The following DLG3 variants were observed in gnomAD, a reference collection of about 807,000 sequenced individuals.
DLG3 encodes discs large MAGUK scaffold protein 3.
Under a neutral mutation model 64.1 loss-of-function variants are expected in DLG3, and 1 was observed. That is an observed-to-expected ratio of 0.02 (90% CI 0.01 to 0.07). The LOEUF (loss-of-function observed/expected upper bound fraction) is 0.07. Ranked by LOEUF, DLG3 falls within the 10% of genes least tolerant of loss-of-function variation. DLG3 has a pLI of 1.00. For missense variants in DLG3, 429 were observed against 669.5 expected, an observed-to-expected ratio of 0.64 and a Z score of 3.96; for synonymous variants, 245 against 259.8, an observed-to-expected ratio of 0.94 and a Z score of 0.55.
At chrX:70,469,327 T>G (rs1327099359) in intron 9 of DLG3, among the ~76,000 whole-genome samples, 2 of 111,573 alleles carry the variant, frequency 1.8e-5, no homozygotes, top group East Asian at 5.6e-4. Flanking sequence ...AACTATTTTA[T>G]AAAGACAAGT....
chrX:70,482,301 A>G (rs779260563), intron 10 of DLG3, among the ~76,000 whole-genome samples: 9 of 112,603 alleles, frequency 8.0e-5, no homozygotes, highest in African/African-American at 2.9e-4. Flanking sequence ...GATCTGCTCA[A>G]AAGCTTTCAC....
Position 70,451,970 on chromosome X carries a change from C to T in DLG3, c.1089C>T (p.Pro363=). The change falls in exon 7 of 19, where the codon CCC becomes CCT. Residue 363 remains proline (P), a synonymous_variant. Coordinates refer to ENST00000374360, the MANE Select transcript of DLG3 (RefSeq NM_021120.4). ...KVSYPAPPQV[P]PTRYSPIPRH... is the part of the protein sequence containing the mutation. ...GCTACCCTGCTCCTCCTCAGGTTCC[C>T]CCCACCCGCTACTCTCCTATTCCCA... 1 of 1,211,257 alleles carries T rather than the reference C, an allele frequency of 8.3e-7. No homozygotes were observed. Among genetic ancestry groups the T allele is most frequent in the Non-Finnish European group, 1.1e-6 (1 of 895,280 alleles).
At chrX:70,454,648 G>C (rs1217953992) in intron 9 of DLG3, among the ~76,000 whole-genome samples, 1 of 112,090 alleles carries the variant, frequency 8.9e-6, no homozygotes, top group Non-Finnish European at 1.9e-5. Flanking sequence ...ACTGGGAACT[G>C]TGTGCCCTGG....
rs1416208495 is a variant in DLG3, at chrX:70,449,806, G to A, written c.650G>A (p.Arg217Gln). 1.7e-6 allele frequency: 2 copies of A among 1,200,677 alleles called. No homozygotes were observed. Among genetic ancestry groups the A allele is most frequent in the East Asian group, 3.0e-5 (1 of 33,476 alleles). The stretch of plus-strand genomic sequence containing the variant: ...GTGGTGCGATTGGTGGTGCGGAGGC[G>A]ACAGCCTCCACCCGAGACCATCATG... ...GPVVRLVVRR[R>Q]QPPPETIMEV... Residue 217 changes from arginine to glutamine, a missense_variant, in exon 4 of 19, where the codon CGA becomes CAA. Coordinates refer to ENST00000374360, the MANE Select transcript of DLG3 (RefSeq NM_021120.4).
chrX:70,501,291 G>A (rs1168426949), intron 18 of DLG3, among the ~76,000 whole-genome samples: 1 of 110,430 alleles, frequency 9.1e-6, no homozygotes, highest in Non-Finnish European at 1.9e-5. Flanking sequence ...CTCCGTTTCA[G>A]CTCCACTCCC....
At chrX:70,491,192 C>T (rs2032346427) in intron 10 of DLG3, among the ~76,000 whole-genome samples, 2 of 112,218 alleles carry the variant, frequency 1.8e-5, no homozygotes, top group Non-Finnish European at 3.8e-5. Context: ...GGATTACAGG[C>T]GTGAGCCTCT....
chrX:70,461,010 A>G, intron 9 of DLG3, among the ~76,000 whole-genome samples: 1 of 112,275 alleles, frequency 8.9e-6, no homozygotes, highest in Non-Finnish European at 1.9e-5. Flanking sequence ...TGCTATTATG[A>G]ATAATGCTCT....
At chrX:70,465,669 A>G (rs775298430) in intron 9 of DLG3, among the ~76,000 whole-genome samples, 25 of 112,027 alleles carry the variant, frequency 2.2e-4, no homozygotes, top group African/African-American at 7.4e-4. Flanking sequence ...CTAAACTTTT[A>G]TATATTTATA....
At position 70,502,322 on chromosome X, in the gene DLG3, C is replaced by T; in HGVS notation, c.*53C>T. The T allele has an allele frequency of 2.3e-6, 2 of 861,072 alleles. No homozygotes were observed. The highest frequency in any genetic ancestry group is 2.1e-5 in the South Asian group (1 of 47,510). The allele number at this position is 861,072 out of a possible 1,213,427, so 71.0% of individuals were successfully genotyped here. A position where few individuals can be genotyped will look rare whatever the true frequency, so the allele number is the denominator to read the frequency against. On this transcript the variant is annotated 3_prime_UTR_variant, in exon 19 of 19. Coordinates refer to ENST00000374360, the MANE Select transcript of DLG3 (RefSeq NM_021120.4). Reference sequence around the variant, plus strand: ...AACAGAAGAAATCAAGTCCCTCTTCCCTCCTCCCTCTTCATTCCTGTCCCC... The same window carrying T: ...AACAGAAGAAATCAAGTCCCTCTTCTCTCCTCCCTCTTCATTCCTGTCCCC...
At position 70,502,766 on chromosome X, in the gene DLG3, G is replaced by GAT. The variant is rs942085978; in HGVS notation, c.*506_*507dup. On this transcript the variant is annotated 3_prime_UTR_variant, in exon 19 of 19. Transcript: ENST00000374360. ...ACAGAAAGTATCTTATTTATATATA[G>GAT]ATATATATATGTAATTTATATAAAA... 4 of 105,484 alleles carry GAT rather than the reference G, an allele frequency of 3.8e-5. No homozygotes were observed. Among genetic ancestry groups the GAT allele is most frequent in the East Asian group, 2.9e-4 (1 of 3,432 alleles). 8.7% of individuals were successfully genotyped at this position (105,484 alleles called of 1,213,427 possible). A position where few individuals can be genotyped will look rare whatever the true frequency, so the allele number is the denominator to read the frequency against.
At chrX:70,494,966 GC>G (rs774168888) in intron 12 of DLG3, among the ~76,000 whole-genome samples, 3 of 112,435 alleles carry the variant, frequency 2.7e-5, no homozygotes, top group Non-Finnish European at 5.6e-5. Context: ...TTCACGCACT[GC>G]AGAGGGAAAT....
chrX:70,497,259 A>C (rs2087472418), intron 13 of DLG3: 1 of 1,169,475 alleles, frequency 8.6e-7, no homozygotes, highest in Non-Finnish European at 1.2e-6. Flanking sequence ...GTGTAGCTCC[A>C]CTGTGTATCC....
chrX:70,491,072 C>T (rs913869011), intron 10 of DLG3, among the ~76,000 whole-genome samples: 2 of 110,721 alleles, frequency 1.8e-5, no homozygotes, highest in Admixed American at 9.6e-5. Flanking sequence ...AACATCACAC[C>T]CAGCTAATTT....
chrX:70,472,212 A>G (rs927788798), intron 9 of DLG3, among the ~76,000 whole-genome samples: 1 of 111,884 alleles, frequency 8.9e-6, no homozygotes, highest in African/African-American at 3.2e-5. Context: ...ATGCTGTTTT[A>G]GACATGAAAA....
intron 12 of DLG3, among the ~76,000 whole-genome samples, chrX:70,494,615 G>C (rs1451704319): frequency 3.6e-5 from 4 of 112,282 alleles, no homozygotes; most frequent in African/African-American, 1.3e-4. Context: ...GAGACAGTCT[G>C]AGTCAGAGGC....
intron 1 of DLG3, among the ~76,000 whole-genome samples, chrX:70,446,544 G>A (rs991534151): frequency 1.2e-4 from 13 of 112,702 alleles, no homozygotes; most frequent in Non-Finnish European, 2.1e-4. Context: ...GGCCCCAGTG[G>A]GGCATGTCCC....
intron 9 of DLG3, among the ~76,000 whole-genome samples, 199 bp from the exon 10 acceptor site, chrX:70,478,951 G>A (rs767378811): frequency 8.9e-6 from 1 of 111,782 alleles, no homozygotes; most frequent in East Asian, 2.8e-4. Flanking sequence ...CTTTCCTTCT[G>A]TTAGTCTGGG....
chrX:70,497,402 C>T (rs1040664012), intron 13 of DLG3, among the ~76,000 whole-genome samples: 1 of 112,611 alleles, frequency 8.9e-6, no homozygotes, highest in Non-Finnish European at 1.9e-5. Flanking sequence ...GGGTTCACCC[C>T]ATGGATTAAA....
intron 9 of DLG3, among the ~76,000 whole-genome samples, chrX:70,461,521 G>A (rs1015611492): frequency 2.5e-4 from 27 of 110,151 alleles, no homozygotes; most frequent in African/African-American, 7.3e-4. Flanking sequence ...GGCTTTGGGC[G>A]TAGATAATTT....
Sources: gnomAD v4.1 joint callset for allele counts (sites outside exome capture counted in the v4.1 genomes callset) on GRCh38, gnomAD v4.1.1 for gene constraint, MANE v1.5 for transcripts, NCBI Gene and HGNC (gene_info 2026-07-23, HGNC 2026-07-21) for gene names.